Variants in KCNQ5 observed in about 807,000 individuals in gnomAD.
KCNQ5 encodes the protein potassium voltage-gated channel subfamily KQT member 5.
KCNQ5 carries 30 observed loss-of-function variants against 98.2 expected under a neutral mutation model. That is an observed-to-expected ratio of 0.31 (90% confidence interval 0.23 to 0.41). The LOEUF (loss-of-function observed/expected upper bound fraction) is 0.41. Ranked by LOEUF, KCNQ5 falls within the 10% of genes least tolerant of loss-of-function variation. The pLI is 1.00. For synonymous variants in KCNQ5, 458 were observed against 449.4 expected, an observed-to-expected ratio of 1.02 and a Z score of -0.24; for missense variants, 835 against 1,182.5, an observed-to-expected ratio of 0.71 and a Z score of 4.31.
chr6:72,836,622 G>C lies in KCNQ5; in HGVS notation c.399-167286G>C, dbSNP rs558654502. Among the ~76,000 whole-genome samples the C allele has an allele frequency of 1.1e-3, 170 of 151,830 alleles. 1 individual carries two copies. Among genetic ancestry groups the C allele is most frequent in the Non-Finnish European group, 1.9e-3 (129 of 67,940 alleles). On this transcript the variant is annotated intron_variant, in intron 1 of 13. Coordinates refer to ENST00000370398, the MANE Select transcript of KCNQ5 (RefSeq NM_019842.4). Reference sequence around the variant, plus strand: ...CTCTGCTAATTTTTTTTTTTCTGTAGAGACAGGGTCTCACTGTTTTGCCCA... The same window carrying C: ...CTCTGCTAATTTTTTTTTTTCTGTACAGACAGGGTCTCACTGTTTTGCCCA...
chr6:72,844,414 C>T (rs1472835417), intron 1 of KCNQ5, among the ~76,000 whole-genome samples: 5 of 152,288 alleles, frequency 3.3e-5, no homozygotes, highest in Non-Finnish European at 5.9e-5. Context: ...ATGTGCAGTT[C>T]TCTTCAGGTT....
At position 73,081,578 on chromosome 6, in the gene KCNQ5, G is replaced by A. The variant is rs184066510; in HGVS notation, c.918+3691G>A. ...AGACTCCCTTGGGGAGAATTATACCGTGCCACGGAAATCTACCAACAGTAT... is the reference window on the plus strand; with the variant it reads ...AGACTCCCTTGGGGAGAATTATACCATGCCACGGAAATCTACCAACAGTAT... On this transcript the variant is annotated intron_variant, in intron 5 of 13. Coordinates refer to ENST00000370398, the MANE Select transcript of KCNQ5 (RefSeq NM_019842.4). Among the ~76,000 whole-genome samples the A allele has an allele frequency of 4.3e-4, 65 of 152,188 alleles. 1 individual carries two copies. In the East Asian group the frequency reaches 6.6e-3, roughly 15 times the overall value.
At chr6:73,041,061 A>G (rs760977713) in intron 2 of KCNQ5, among the ~76,000 whole-genome samples, 1 of 152,230 alleles carries the variant, frequency 6.6e-6, no homozygotes, top group Non-Finnish European at 1.5e-5. Flanking sequence ...AAAGTGAATT[A>G]TTTTTTAAAG....
At chr6:72,631,458 G>T (rs2098920747) in intron 1 of KCNQ5, among the ~76,000 whole-genome samples, 1 of 152,140 alleles carries the variant, frequency 6.6e-6, no homozygotes, top group South Asian at 2.1e-4. Flanking sequence ...TAGACAAAAA[G>T]ATGGTCAGGG....
intron 1 of KCNQ5, among the ~76,000 whole-genome samples, chr6:72,818,943 G>A (rs1330678819): frequency 6.6e-6 from 1 of 151,546 alleles, no homozygotes. Flanking sequence ...CATATGCTTT[G>A]TTAGACATGT....
intron 2 of KCNQ5, among the ~76,000 whole-genome samples, chr6:73,007,547 A>G (rs1460188974): frequency 6.6e-6 from 1 of 152,190 alleles, no homozygotes; most frequent in Non-Finnish European, 1.5e-5. Context: ...AATGTTTGCA[A>G]CTTACAGAGG....
chr6:72,745,903 C>T (rs952342846), intron 1 of KCNQ5, among the ~76,000 whole-genome samples: 26 of 152,016 alleles, frequency 1.7e-4, no homozygotes, highest in African/African-American at 5.3e-4. Flanking sequence ...CGCCTCACTC[C>T]GGTCTCTGCC....
At chr6:72,728,178 A>G (rs1021207689) in intron 1 of KCNQ5, among the ~76,000 whole-genome samples, 1 of 152,182 alleles carries the variant, frequency 6.6e-6, no homozygotes, top group Admixed American at 6.5e-5. Flanking sequence ...ATTAGAAACA[A>G]TAATGCAATA....
At chr6:72,793,946 T>C (rs1774194055) in intron 1 of KCNQ5, among the ~76,000 whole-genome samples, 1 of 152,208 alleles carries the variant, frequency 6.6e-6, no homozygotes, top group South Asian at 2.1e-4. Flanking sequence ...GATCAGAGAA[T>C]GAGAGGAAAT....
chr6:72,797,897 GAATT>G (rs1322752489), intron 1 of KCNQ5, among the ~76,000 whole-genome samples: 12 of 152,070 alleles, frequency 7.9e-5, no homozygotes, highest in African/African-American at 2.2e-4. Flanking sequence ...TATTAGTTAT[GAATT>G]AATTCTTAAA....
At chr6:72,976,860 G>T (rs550143730) in intron 1 of KCNQ5, among the ~76,000 whole-genome samples, 17 of 152,296 alleles carry the variant, frequency 1.1e-4, no homozygotes, top group South Asian at 8.3e-4. Context: ...AGTGAACCCT[G>T]AGCACTTCTC....
rs1411976143 is a variant in KCNQ5 at position 72,622,320 on chromosome 6, G to A, written c.131G>A (p.Gly44Asp). 1 of 1,399,828 alleles carries A rather than the reference G, an allele frequency of 7.1e-7. No homozygotes were observed. Among genetic ancestry groups the A allele is most frequent in the Non-Finnish European group, 9.2e-7 (1 of 1,082,328 alleles). 86.7% of individuals were successfully genotyped at this position (1,399,828 alleles called of 1,614,324 possible). ...ATGAAGGATGTGGAGTCCGGCCGGG[G>A]CAGGGTGCTGCTGAACTCGGCAGCC... ...SGMKDVESGRGRVLLNSAAAR... is the reference protein window; with the variant it reads ...SGMKDVESGRDRVLLNSAAAR... Residue 44 changes from glycine to aspartate, a missense_variant, in exon 1 of 14, where the codon GGC (glycine) becomes GAC (aspartate). By Grantham distance (94) the Gly-to-Asp change is moderately conservative. This residue lies in a region of KCNQ5 where 80 missense variants were observed against 72.3 expected (regional missense o/e 1.11). Coordinates refer to ENST00000370398, the MANE Select transcript of KCNQ5 (RefSeq NM_019842.4). This position sits in a 1 kb window ranked among gnomAD's most constrained non-coding sequence, Gnocchi z 6.0.
intron 1 of KCNQ5, among the ~76,000 whole-genome samples, chr6:72,974,577 A>G (rs1012473601): frequency 1.3e-5 from 2 of 152,176 alleles, no homozygotes; most frequent in Non-Finnish European, 2.9e-5. Flanking sequence ...AGAAGCATTG[A>G]CATCAGAGTA....
chr6:72,986,053 AG>A (rs1229679100), intron 1 of KCNQ5, among the ~76,000 whole-genome samples: 11 of 152,180 alleles, frequency 7.2e-5, no homozygotes, highest in African/African-American at 2.7e-4. Context: ...ACATGGTGAA[AG>A]CCCGTCTCTA....
intron 1 of KCNQ5, among the ~76,000 whole-genome samples, chr6:73,001,351 A>T (rs1048641174): frequency 6.6e-6 from 1 of 152,220 alleles, no homozygotes; most frequent in Non-Finnish European, 1.5e-5. Context: ...TGGCATAGGA[A>T]TTATTTCAAC....
At chr6:73,131,732 T>C (rs1244448375) in intron 9 of KCNQ5, among the ~76,000 whole-genome samples, 2 of 152,206 alleles carry the variant, frequency 1.3e-5, no homozygotes, top group Non-Finnish European at 2.9e-5. Context: ...GTTTATGATG[T>C]TATTGTTGCT....
chr6:72,936,260 C>T (rs866733392), intron 1 of KCNQ5, among the ~76,000 whole-genome samples: 3 of 152,274 alleles, frequency 2.0e-5, no homozygotes, highest in South Asian at 4.1e-4. Context: ...TCCCATTATT[C>T]ATTTTTGTTT....
At chr6:72,894,050 G>C (rs1779154557) in intron 1 of KCNQ5, among the ~76,000 whole-genome samples, 1 of 152,148 alleles carries the variant, frequency 6.6e-6, no homozygotes, top group Non-Finnish European at 1.5e-5. Context: ...AAATAATTTG[G>C]TGTAGAACTT....
chr6:72,638,530 G>A (rs2098925452), intron 1 of KCNQ5, among the ~76,000 whole-genome samples: 1 of 152,056 alleles, frequency 6.6e-6, no homozygotes, highest in Admixed American at 6.5e-5. Flanking sequence ...CGTTGTACTG[G>A]AGAAGACAGA....
Sources: allele counts gnomAD v4.1 joint callset (sites outside exome capture counted in the v4.1 genomes callset), GRCh38; gene constraint gnomAD v4.1.1; regional missense constraint gnomAD v4.1.1; non-coding constraint Gnocchi (gnomAD v3.1); transcripts MANE v1.5; gene names NCBI Gene and HGNC (gene_info 2026-07-23, HGNC 2026-07-21).